DNAH8: variants seen among roughly 807,000 people sequenced by gnomAD.
The protein encoded by DNAH8 is axonemal beta dynein heavy chain 8.
In DNAH8, 382 loss-of-function variants were observed where a neutral mutation model predicts 562.1. The observed-to-expected ratio is 0.68, with a 90% CI of 0.63 to 0.74. The LOEUF is 0.74. DNAH8 is among the 30% of genes least tolerant of loss of function. DNAH8 has a pLI of 0.00. For missense variants in DNAH8, 5,203 were observed against 5,620.4 expected, an observed-to-expected ratio of 0.93 and a Z score of 2.37; for synonymous variants, 1,881 against 1,919.4, an observed-to-expected ratio of 0.98 and a Z score of 0.52.
At chr6:38,762,330 T>G (rs1766598529) in intron 11 of DNAH8, among the ~76,000 whole-genome samples, 1 of 152,228 alleles carries the variant, frequency 6.6e-6, no homozygotes, top group Admixed American at 6.5e-5. Context: ...ATTGAGATGC[T>G]TATAGAATTT....
intron 26 of DNAH8, among the ~76,000 whole-genome samples, chr6:38,816,862 G>GT (rs1202464345): frequency 2.0e-5 from 3 of 151,932 alleles, no homozygotes; most frequent in South Asian, 4.2e-4. Context: ...TTTTATATAT[G>GT]TTTTTTGGCC....
intron 16 of DNAH8, among the ~76,000 whole-genome samples, chr6:38,781,831 C>T (rs979103049): frequency 3.9e-5 from 6 of 152,092 alleles, no homozygotes; most frequent in African/African-American, 1.4e-4. Flanking sequence ...GATTCATTCT[C>T]TATGTCCTTC....
intron 24 of DNAH8, 136 bp downstream of exon 24, chr6:38,807,852 T>C: frequency 2.4e-6 from 1 of 413,106 alleles, no homozygotes; most frequent in Non-Finnish European, 4.0e-6. Context: ...AAAGTATTTG[T>C]GTAATACTGC....
chr6:38,945,597 A>G lies in DNAH8; in HGVS notation c.12129+9A>G. ...CAGAAATTATGAACCAGGTAATACAATAAAGGGCTGGTTGAAAGTGCAGAT... is the reference window on the plus strand; with the variant it reads ...CAGAAATTATGAACCAGGTAATACAGTAAAGGGCTGGTTGAAAGTGCAGAT... On this transcript the variant is annotated intron_variant, in intron 80 of 92. Coordinates refer to ENST00000327475, the MANE Select transcript of DNAH8 (RefSeq NM_001206927.2). The G allele has an allele frequency of 1.9e-6, 3 of 1,613,850 alleles. No individual in the cohort carries two copies. The highest frequency in any genetic ancestry group is 2.5e-6 in the Non-Finnish European group (3 of 1,179,834).
intron 56 of DNAH8, among the ~76,000 whole-genome samples, chr6:38,884,648 G>A (rs1285542315): frequency 6.6e-6 from 1 of 152,104 alleles, no homozygotes; most frequent in African/African-American, 2.4e-5. Flanking sequence ...CTTGACTTCA[G>A]TGTCCTTTCT....
intron 21 of DNAH8, 132 bp from the exon 22 acceptor site, chr6:38,803,047 A>G (rs1770918356): frequency 1.6e-6 from 1 of 623,182 alleles, no homozygotes; most frequent in Non-Finnish European, 2.6e-6. Flanking sequence ...GCATTATGCC[A>G]TTTTCAGCTA....
chr6:38,837,290 G>A (rs1302345865), intron 32 of DNAH8, among the ~76,000 whole-genome samples: 2 of 152,102 alleles, frequency 1.3e-5, no homozygotes, highest in Admixed American at 6.5e-5. Context: ...TAGGGTTCTC[G>A]GGAATATGCT....
chr6:38,923,131 G>T lies in DNAH8; in HGVS notation c.10736G>T (p.Gly3579Val). The T allele has an allele frequency of 6.2e-7, 1 of 1,613,790 alleles. No homozygotes were observed. Among genetic ancestry groups the T allele is most frequent in the Non-Finnish European group, 8.5e-7 (1 of 1,179,828 alleles). Residue 3579 changes from glycine (G) to valine (V), a missense_variant, in exon 72 of 93, where the codon GGA (glycine) becomes GTA (valine). Transcript: ENST00000327475. Reference protein sequence around the residue: ...AASTLIDGLSGEKIRWTQQSK... With the variant: ...AASTLIDGLSVEKIRWTQQSK... ...TCCACTCTCATCGATGGGCTGAGTG[G>T]AGAAAAAATCCGGTGGACCCAGCAA...
At chr6:38,914,225 A>G (rs1781119892) in intron 67 of DNAH8, among the ~76,000 whole-genome samples, 1 of 151,242 alleles carries the variant, frequency 6.6e-6, no homozygotes, top group African/African-American at 2.4e-5. Flanking sequence ...TTTCTGCTTG[A>G]CTATGAGTTA....
intron 45 of DNAH8, 29 bp from the exon 46 acceptor site, chr6:38,866,562 T>A: frequency 6.7e-7 from 1 of 1,484,376 alleles, no homozygotes; most frequent in South Asian, 1.2e-5. Flanking sequence ...GTTTTAGCAA[T>A]TAAAAATTAA....
chr6:38,881,879 C>G (rs1778523123), intron 53 of DNAH8, among the ~76,000 whole-genome samples: 1 of 152,092 alleles, frequency 6.6e-6, no homozygotes, highest in Admixed American at 6.6e-5. Flanking sequence ...GGCAAATACT[C>G]TATATCTAGT....
intron 53 of DNAH8, among the ~76,000 whole-genome samples, chr6:38,879,577 A>G (rs1457995545): frequency 1.3e-5 from 2 of 152,234 alleles, no homozygotes; most frequent in African/African-American, 4.8e-5. Context: ...GACAACATCT[A>G]CAAAATACCT....
chr6:38,909,570 G>A lies in DNAH8; in HGVS notation c.9566G>A (p.Gly3189Asp). 3 of 1,614,126 alleles carry A rather than the reference G, an allele frequency of 1.9e-6. No homozygotes were observed. The highest frequency in any genetic ancestry group is 2.5e-6 in the Non-Finnish European group (3 of 1,180,002). ...TTGAAATTTCCTGGCTTGATATCAG[G>A]TTGCACTATGGACTGGTTCAGCCGC... ...RSLKFPGLIS[G>D]CTMDWFSRWP... Residue 3189 changes from glycine to aspartate, a missense_variant, in exon 65 of 93, where the codon GGT becomes GAT. Around this residue, in one of 6 missense-constraint regions of DNAH8, gnomAD observed 977 missense variants for 1,061.8 expected, o/e 0.92. Coordinates refer to ENST00000327475, the MANE Select transcript of DNAH8 (RefSeq NM_001206927.2).
Position 38,783,231 on chromosome 6 carries a change from C to A in DNAH8, c.2395+92C>A, listed in dbSNP as rs1224686066. The stretch of plus-strand genomic sequence containing the variant: ...TGGAGAACTTTTTCCATCCCTTCCA[C>A]ATAATCTTAGGATAGTTACAATTTA... On this transcript the variant is annotated intron_variant, in intron 17 of 92. Transcript: ENST00000327475. 3 of 1,143,522 alleles carry A rather than the reference C, an allele frequency of 2.6e-6. No homozygotes were observed. The East Asian group carries it at 7.3e-5, about 28-fold the overall frequency. 70.8% of individuals were successfully genotyped at this position (1,143,522 alleles called of 1,614,324 possible).
At chr6:38,854,970 CT>C (rs1776070853) in intron 41 of DNAH8, among the ~76,000 whole-genome samples, 1 of 146,738 alleles carries the variant, frequency 6.8e-6, no homozygotes, top group East Asian at 2.0e-4. Context: ...GTATATAATA[CT>C]ATATATATAA....
intron 88 of DNAH8, among the ~76,000 whole-genome samples, chr6:38,991,283 A>G (rs1420711905): frequency 6.6e-6 from 1 of 152,170 alleles, no homozygotes; most frequent in African/African-American, 2.4e-5. Context: ...ATGATTGAAA[A>G]TACCTACAAA....
At chr6:39,013,715 GT>G (rs1415366748) in intron 91 of DNAH8, among the ~76,000 whole-genome samples, 12 of 152,170 alleles carry the variant, frequency 7.9e-5, no homozygotes, top group African/African-American at 2.4e-4. Flanking sequence ...GCTGGGTGTG[GT>G]GGCATGTGCC....
intron 57 of DNAH8, among the ~76,000 whole-genome samples, chr6:38,890,429 G>A (rs1779262662): frequency 6.6e-6 from 1 of 152,026 alleles, no homozygotes; most frequent in East Asian, 1.9e-4. Flanking sequence ...TTCTTGTAGG[G>A]TGCTGGGTGG....
chr6:38,813,927 T>A, intron 24 of DNAH8, 127 bp from the exon 25 acceptor site: 3 of 736,952 alleles, frequency 4.1e-6, no homozygotes, highest in East Asian at 2.5e-5. Flanking sequence ...TTATAAGTAA[T>A]ATTCTCTTTG....
Sources: allele counts gnomAD v4.1 joint callset (sites outside exome capture counted in the v4.1 genomes callset), GRCh38; gene constraint gnomAD v4.1.1; regional missense constraint gnomAD v4.1.1; transcripts MANE v1.5; gene names NCBI Gene and HGNC (gene_info 2026-07-23, HGNC 2026-07-21).